The following CCNY variants were observed in gnomAD, a reference collection of about 807,000 sequenced individuals.
The protein encoded by CCNY is cyclin-Y.
A neutral mutation model predicts 42.8 loss-of-function variants in CCNY; 19 were observed. The ratio of observed to expected loss-of-function variants is 0.44; its 90% CI spans 0.31 to 0.65. The LOEUF is 0.65. Among genes scored for constraint, CCNY ranks in the 30% least tolerant of loss-of-function variants. The probability of loss-of-function intolerance (pLI) is 0.07; values close to 1 mark genes in which losing one functional copy is unlikely to be tolerated. For synonymous variants in CCNY, 165 were observed against 162.7 expected, an observed-to-expected ratio of 1.01 and a Z score of -0.11; for missense variants, 370 against 437.3, an observed-to-expected ratio of 0.85 and a Z score of 1.37.
intron 1 of CCNY, among the ~76,000 whole-genome samples, chr10:35,384,538 A>G (rs1837261627): frequency 6.6e-6 from 1 of 152,102 alleles, no homozygotes. Flanking sequence ...TCAGCTTAAT[A>G]TTTCTCCTTT....
At chr10:35,400,489 C>T (rs1307530596) in intron 1 of CCNY, among the ~76,000 whole-genome samples, 1 of 152,158 alleles carries the variant, frequency 6.6e-6, no homozygotes, top group Admixed American at 6.5e-5. Flanking sequence ...CCGAAGTAAC[C>T]TTTTATGCTT....
intron 1 of CCNY, among the ~76,000 whole-genome samples, chr10:35,474,471 T>C (rs868040658): frequency 6.6e-6 from 1 of 152,288 alleles, no homozygotes; most frequent in Middle Eastern, 3.4e-3. Flanking sequence ...GACTGCCTCC[T>C]CAAGTGGGTC....
At chr10:35,367,264 G>A (rs562333032) in intron 1 of CCNY, among the ~76,000 whole-genome samples, 8 of 152,114 alleles carry the variant, frequency 5.3e-5, no homozygotes, top group East Asian at 1.9e-4. Context: ...CCTTATGACT[G>A]TATAGTATTC....
chr10:35,371,169 T>C (rs546635314), intron 1 of CCNY, among the ~76,000 whole-genome samples: 1 of 152,330 alleles, frequency 6.6e-6, no homozygotes, highest in African/African-American at 2.4e-5. Context: ...ATGGATCATG[T>C]TGGTAGTACC....
At chr10:35,422,058 C>G (rs1202119454) in intron 1 of CCNY, among the ~76,000 whole-genome samples, 3 of 152,098 alleles carry the variant, frequency 2.0e-5, no homozygotes, top group African/African-American at 7.2e-5. Flanking sequence ...AGCCTGCACT[C>G]TTAAATGCTA....
chr10:35,251,611 C>T (rs1205107180), intron 3 of CCNY, among the ~76,000 whole-genome samples: 7 of 143,638 alleles, frequency 4.9e-5, no homozygotes, highest in South Asian at 4.4e-4. Context: ...TTTTTTGAGA[C>T]GGGATCTCGC....
At chr10:35,421,234 C>T (rs958756464) in intron 1 of CCNY, among the ~76,000 whole-genome samples, 3 of 152,152 alleles carry the variant, frequency 2.0e-5, no homozygotes, top group Non-Finnish European at 4.4e-5. Flanking sequence ...GAGGGAATTT[C>T]TTTGTTAAAT....
intron 2 of CCNY, among the ~76,000 whole-genome samples, chr10:35,492,851 A>G (rs1839927675): frequency 6.6e-6 from 1 of 152,130 alleles, no homozygotes. Flanking sequence ...CACATCCATT[A>G]TTTAGGGACA....
intron 3 of CCNY, among the ~76,000 whole-genome samples, chr10:35,319,269 A>G (rs1007098425): frequency 6.6e-6 from 1 of 152,160 alleles, no homozygotes. Context: ...AATCCCAACA[A>G]TTTGAAACGC....
At chr10:35,544,045 T>C (rs1011358696) in intron 7 of CCNY, among the ~76,000 whole-genome samples, 6 of 152,366 alleles carry the variant, frequency 3.9e-5, no homozygotes, top group African/African-American at 1.4e-4. Flanking sequence ...GAGTCCAAAG[T>C]TTAAAAAATT....
At chr10:35,533,674 C>G (rs1840818762) in intron 7 of CCNY, among the ~76,000 whole-genome samples, 2 of 152,224 alleles carry the variant, frequency 1.3e-5, no homozygotes, top group Non-Finnish European at 1.5e-5. Context: ...ACCGCACTCC[C>G]TGCTCATCAC....
intron 2 of CCNY, among the ~76,000 whole-genome samples, chr10:35,492,660 A>G (rs986330313): frequency 1.3e-5 from 2 of 152,252 alleles, no homozygotes; most frequent in Admixed American, 6.5e-5. Context: ...CAGTCTCTGC[A>G]GTGGCTAGCA....
intron 3 of CCNY, among the ~76,000 whole-genome samples, chr10:35,323,789 A>C (rs112012711): frequency 0.01 from 1,550 of 152,178 alleles, 24 homozygotes; most frequent in African/African-American, 0.036. Context: ...GAGGCCAGGG[A>C]AGGCAGATCA....
chr10:35,276,848 T>C (rs1398511765), intron 3 of CCNY, among the ~76,000 whole-genome samples: 1 of 152,384 alleles, frequency 6.6e-6, no homozygotes, highest in East Asian at 1.9e-4. Flanking sequence ...GTGGGTGTTC[T>C]GCCTTTGTGT....
At chr10:35,299,767 C>T (rs1305244674) in intron 3 of CCNY, among the ~76,000 whole-genome samples, 2 of 152,068 alleles carry the variant, frequency 1.3e-5, no homozygotes, top group South Asian at 2.1e-4. Flanking sequence ...ATTACTGATA[C>T]GGTTAGGTTT....
chr10:35,402,975 C>T (rs1321366879), intron 1 of CCNY, among the ~76,000 whole-genome samples: 4 of 152,132 alleles, frequency 2.6e-5, no homozygotes, highest in African/African-American at 7.2e-5. Context: ...GTGGCCTTCT[C>T]AGACCCTGTG....
intron 1 of CCNY, among the ~76,000 whole-genome samples, chr10:35,430,330 C>T (rs1349086332): frequency 1.1e-4 from 12 of 107,222 alleles, no homozygotes; most frequent in African/African-American, 1.6e-4. Context: ...GAGCGAGACT[C>T]CGTCTCAAAA....
chr10:35,338,924 C>T (rs996678619), intron 1 of CCNY, among the ~76,000 whole-genome samples: 1 of 152,182 alleles, frequency 6.6e-6, no homozygotes, highest in African/African-American at 2.4e-5. Flanking sequence ...AGGCTCAGTA[C>T]AATTTTGCCA....
At chr10:35,251,566 T>C (rs1041690111) in intron 3 of CCNY, among the ~76,000 whole-genome samples, 1 of 150,954 alleles carries the variant, frequency 6.6e-6, no homozygotes, top group African/African-American at 2.4e-5. Context: ...AAACTTTCCC[T>C]AGCAAGCAAT....
Sources: allele counts gnomAD v4.1 joint callset (sites outside exome capture counted in the v4.1 genomes callset), GRCh38; gene constraint gnomAD v4.1.1; transcripts MANE v1.5; gene names NCBI Gene and HGNC (gene_info 2026-07-23, HGNC 2026-07-21).